The following MATR3 variants were observed in gnomAD, a reference collection of about 807,000 sequenced individuals.
MATR3 encodes the protein matrin 3.
A neutral mutation model predicts 85.5 loss-of-function variants in MATR3; 4 were observed. The ratio of observed to expected loss-of-function variants is 0.05; its 90% CI spans 0.02 to 0.11. The LOEUF (loss-of-function observed/expected upper bound fraction) is 0.11, where lower values mean the gene tolerates loss of function less well. MATR3 is among the 10% of genes least tolerant of loss of function. The pLI, the probability that MATR3 is intolerant of heterozygous loss-of-function variation, is 1.00. For missense variants in MATR3, 685 were observed against 1,016.1 expected, an observed-to-expected ratio of 0.67 and a Z score of 4.43; for synonymous variants, 336 against 343.1, an observed-to-expected ratio of 0.98 and a Z score of 0.23.
intron 2 of MATR3, chr5:139,278,239 A>G (rs1753370461): frequency 2.5e-6 from 1 of 408,042 alleles, no homozygotes. Context: ...AAAAATATAT[A>G]TATATATATA....
chr5:139,314,612 A>G (rs1192935094), intron 2 of MATR3, 63 bp from the exon 3 acceptor site: 1 of 1,337,724 alleles, frequency 7.5e-7, no homozygotes, highest in Non-Finnish European at 1.1e-6. Flanking sequence ...TAGAGTTTGA[A>G]TGGTTCAGAT....
chr5:139,313,585 C>T (rs1463153419), intron 2 of MATR3: 3 of 151,688 alleles, frequency 2.0e-5, no homozygotes, highest in Non-Finnish European at 4.4e-5. Flanking sequence ...GCATTTTTTT[C>T]CTAAAGAAAT....
chr5:139,293,242 A>C (rs556220425), upstream of MATR3: 7 of 152,290 alleles, frequency 4.6e-5, no homozygotes, highest in African/African-American at 1.7e-4. Context: ...CCTGAGCAAC[A>C]CAGTTTATTT....
At chr5:139,314,418 T>C (rs1047718403) in intron 2 of MATR3, 4 of 434,466 alleles carry the variant, frequency 9.2e-6, no homozygotes, top group Non-Finnish European at 1.3e-5. Context: ...CTATATCTTT[T>C]CCCTGTCAAA....
At chr5:139,326,423 T>A in intron 14 of MATR3, 139 bp downstream of exon 14, 3 of 189,838 alleles carry the variant, frequency 1.6e-5, no homozygotes, top group Non-Finnish European at 1.9e-5. Flanking sequence ...TTTTATTTAC[T>A]TTTTTTTTTT....
intron 1 of MATR3, chr5:139,294,065 G>T: frequency 8.0e-7 from 1 of 1,257,580 alleles, no homozygotes; most frequent in South Asian, 2.8e-5. Context: ...GGCCGGCCAA[G>T]GGCCCAGGGT....
intron 3 of MATR3, among the ~76,000 whole-genome samples, chr5:139,288,590 C>T (rs1358155076): frequency 6.6e-6 from 1 of 151,918 alleles, no homozygotes; most frequent in African/African-American, 2.4e-5. Flanking sequence ...GTAAGATTCC[C>T]TCCAAAAAAA....
chr5:139,329,568 A>C lies in MATR3; in HGVS notation c.*173A>C. The C allele has an allele frequency of 1.6e-6, 1 of 633,524 alleles. No individual in the cohort carries two copies. Among genetic ancestry groups the C allele is most frequent in the Non-Finnish European group, 2.9e-6 (1 of 348,908 alleles). 39.2% of individuals were successfully genotyped at this position (633,524 alleles called of 1,614,324 possible). On this transcript the variant is annotated 3_prime_UTR_variant, in exon 15 of 15. Transcript: ENST00000394805. ...TTAAGTGTTATAGCAAAAAAAATAC[A>C]CATATGGTTAAGTTAATGAATAGTT... is the stretch of plus-strand genomic sequence containing the variant.
chr5:139,290,268 C>A (rs1753828608), upstream of MATR3, among the ~76,000 whole-genome samples: 1 of 151,404 alleles, frequency 6.6e-6, no homozygotes, highest in African/African-American at 2.4e-5. Flanking sequence ...CTCAGCCTCC[C>A]AAGTAGCTGG....
In MATR3 at chr5:139,322,872, G is replaced by A; in HGVS notation, c.2053G>A (p.Gly685Ser). 1 of 1,614,112 alleles carries A rather than the reference G, an allele frequency of 6.2e-7. No homozygotes were observed. The change falls in exon 12 of 15, where the codon GGT becomes AGT. Residue 685 changes from glycine to serine, a missense_variant. Coordinates refer to ENST00000394805, the MANE Select transcript of MATR3 (RefSeq NM_018834.6). ...AGACGAGACCGATCTTGCTAATTTA[G>A]GTGATGTGGCTTCTGATGGGAAAAA... The part of the protein sequence containing the change: ...VGDETDLANL[G>S]DVASDGKKEP...
chr5:139,301,113 C>T (rs1353427329), intron 1 of MATR3, among the ~76,000 whole-genome samples: 1 of 152,094 alleles, frequency 6.6e-6, no homozygotes, highest in South Asian at 2.1e-4. Flanking sequence ...CTGTGCCTGG[C>T]CTAATTTATC....
At position 139,303,343 on chromosome 5, in the gene MATR3, A is replaced by G. The variant is rs138157480; in HGVS notation, c.-177-3896A>G. ...TCTTGATCTCTTGACCTCGTGATCA[A>G]CCCACCTCGGCTTCCCAAAGTGCAG... On this transcript the variant is annotated intron_variant, in intron 1 of 14. Transcript: ENST00000394805. Among the ~76,000 whole-genome samples, 67 of 152,148 alleles carry G rather than the reference A, an allele frequency of 4.4e-4. 1 individual carries two copies. The East Asian group carries it at 0.011, about 26-fold the overall frequency.
chr5:139,293,706 G>C (rs1561924492), upstream of MATR3: 1 of 340,344 alleles, frequency 2.9e-6, no homozygotes, highest in Non-Finnish European at 5.3e-6. Flanking sequence ...CGCTGCCGCC[G>C]CTTCTCGCCA....
chr5:139,329,206 TTAAC>T lies in MATR3; in HGVS notation c.2494-135_2494-132del, dbSNP rs1581267247. The T allele has an allele frequency of 1.0e-5, 7 of 668,726 alleles. No individual in the cohort carries two copies. In the East Asian group the frequency reaches 2.0e-4, roughly 19 times the overall value. 41.4% of individuals were successfully genotyped at this position (668,726 alleles called of 1,614,324 possible). On this transcript the variant is annotated intron_variant, in intron 14 of 14. Coordinates refer to ENST00000394805, the MANE Select transcript of MATR3 (RefSeq NM_018834.6). ...GAAAGTTTTTGTGTGCTAATGAGGA[TTAAC>T]TAATTGTTGAAAATATTGACAAAAT...
At chr5:139,315,777 T>A (rs1230207791) in intron 4 of MATR3, 39 bp downstream of exon 4, 9 of 1,475,954 alleles carry the variant, frequency 6.1e-6, no homozygotes, top group Non-Finnish European at 8.5e-6. Flanking sequence ...GTAAAGGAGA[T>A]CAATGTAAGG....
intron 14 of MATR3, among the ~76,000 whole-genome samples, 160 bp downstream of exon 14, chr5:139,326,444 C>CA (rs1452374105): frequency 4.1e-5 from 6 of 145,720 alleles, no homozygotes; most frequent in Non-Finnish European, 9.0e-5. Context: ...TTTTTAAAGA[C>CA]AGTTTCTCTC....
At chr5:139,324,620 C>T (rs894562134) in intron 12 of MATR3, among the ~76,000 whole-genome samples, 3 of 152,226 alleles carry the variant, frequency 2.0e-5, no homozygotes, top group Admixed American at 2.0e-4. Context: ...AGCCATTACA[C>T]TGTTTGAGTA....
At chr5:139,305,601 C>T (rs1345721285) in intron 1 of MATR3, among the ~76,000 whole-genome samples, 4 of 152,176 alleles carry the variant, frequency 2.6e-5, no homozygotes, top group Non-Finnish European at 5.9e-5. Flanking sequence ...GCCATTCTGT[C>T]TGGCATTTAT....
intron 12 of MATR3, among the ~76,000 whole-genome samples, chr5:139,324,890 A>G (rs1405037532): frequency 1.3e-5 from 2 of 152,118 alleles, no homozygotes; most frequent in Non-Finnish European, 1.5e-5. Context: ...TTTTGAGCCA[A>G]TGAATAAAGA....
Sources: gnomAD v4.1 joint callset for allele counts (sites outside exome capture counted in the v4.1 genomes callset) on GRCh38, gnomAD v4.1.1 for gene constraint, MANE v1.5 for transcripts, NCBI Gene and HGNC (gene_info 2026-07-23, HGNC 2026-07-21) for gene names.